Variants in HM13 observed in about 807,000 individuals in gnomAD.
The protein encoded by HM13 is signal peptide peptidase.
In HM13, 18 loss-of-function variants were observed where a neutral mutation model predicts 50.0. That is an observed-to-expected ratio of 0.36 (90% CI 0.25 to 0.53). The LOEUF (loss-of-function observed/expected upper bound fraction) is 0.53. Ranked by LOEUF, HM13 falls within the 20% of genes least tolerant of loss-of-function variation. The probability of loss-of-function intolerance (pLI) is 0.90; values close to 1 mark genes in which losing one functional copy is unlikely to be tolerated. For missense variants in HM13, 393 were observed against 552.4 expected (o/e 0.71, Z 2.89); for synonymous variants, 197 against 232.6 (o/e 0.85, Z 1.39).
intron 10 of HM13, 117 bp from the exon 11 acceptor site, chr20:31,566,093 T>A (rs1984890812): frequency 1.5e-6 from 1 of 682,000 alleles, no homozygotes; most frequent in Admixed American, 2.8e-5. Context: ...TGACTTGCTA[T>A]GGTCCTGGAC....
At chr20:31,554,252 C>T (rs1422265159) in intron 7 of HM13, among the ~76,000 whole-genome samples, 3 of 151,964 alleles carry the variant, frequency 2.0e-5, no homozygotes, top group Non-Finnish European at 2.9e-5. Flanking sequence ...TCTAAAATCC[C>T]AGCTACTCAG....
intron 3 of HM13, chr20:31,539,954 A>G (rs1012649051): frequency 2.0e-5 from 3 of 152,234 alleles, no homozygotes; most frequent in African/African-American, 4.8e-5. Context: ...AGCTCTGAGC[A>G]TAGTTCTTCT....
intron 1 of HM13, among the ~76,000 whole-genome samples, chr20:31,520,185 A>G (rs1350380130): frequency 2.6e-5 from 4 of 152,038 alleles, no homozygotes; most frequent in Non-Finnish European, 5.9e-5. Flanking sequence ...AGATTTTACC[A>G]TATGATCCAC....
At chr20:31,515,359 TCC>T (rs1255119492) in intron 1 of HM13, among the ~76,000 whole-genome samples, 1 of 152,206 alleles carries the variant, frequency 6.6e-6, no homozygotes, top group Non-Finnish European at 1.5e-5. Flanking sequence ...TCTGGAACCA[TCC>T]CAGTCAGCTG....
chr20:31,569,040 T>TG, intron 12 of HM13, 80 bp from the exon 13 acceptor site: 4 of 965,372 alleles, frequency 4.1e-6, no homozygotes. Flanking sequence ...AGGATGGGGG[T>TG]GGGGGAAGGG....
At chr20:31,531,712 G>C (rs897486963) in intron 2 of HM13, among the ~76,000 whole-genome samples, 1 of 152,110 alleles carries the variant, frequency 6.6e-6, no homozygotes, top group Admixed American at 6.5e-5. Context: ...TCCTGCCTCA[G>C]CCTCCTGAGA....
chr20:31,559,642 C>T lies in HM13; in HGVS notation c.840C>T (p.Asp280=). The stretch of plus-strand genomic sequence containing the variant: ...TCATTGCCTTGCTGCTGCGCTTTGA[C>T]ATCAGGTGAGTGAGTGAGGGCCTGC... The part of the protein sequence containing the change: ...GIFIALLLRF[D]ISLKKNTHTY... The change falls in exon 9 of 13, where the codon GAC becomes GAT. Residue 280 remains aspartate (D), a synonymous_variant. Transcript: ENST00000398174. The T allele has an allele frequency of 6.2e-7, 1 of 1,614,168 alleles. No individual in the cohort carries two copies. Among genetic ancestry groups the T allele is most frequent in the Non-Finnish European group, 8.5e-7 (1 of 1,180,006 alleles).
chr20:31,516,558 C>T (rs900709549), intron 1 of HM13, among the ~76,000 whole-genome samples: 6 of 152,250 alleles, frequency 3.9e-5, no homozygotes, highest in South Asian at 2.1e-4. Context: ...AGGCCTGAGC[C>T]TTGACGTAGA....
At chr20:31,533,648 A>T (rs1269842261) in intron 2 of HM13, among the ~76,000 whole-genome samples, 1 of 151,962 alleles carries the variant, frequency 6.6e-6, no homozygotes, top group African/African-American at 2.4e-5. Context: ...GCCCTCCTCT[A>T]CTCTGACCTA....
intron 8 of HM13, among the ~76,000 whole-genome samples, chr20:31,559,030 T>A (rs1179950053): frequency 6.6e-6 from 1 of 152,220 alleles, no homozygotes; most frequent in Non-Finnish European, 1.5e-5. Flanking sequence ...GTGATTCTTG[T>A]GCCTCAGCCT....
chr20:31,555,741 G>A (rs529991069), intron 8 of HM13, among the ~76,000 whole-genome samples: 8 of 151,886 alleles, frequency 5.3e-5, no homozygotes, highest in Non-Finnish European at 1.0e-4. Flanking sequence ...AGCTGCGTGG[G>A]GAAGATCACT....
chr20:31,520,678 G>A (rs891121466), intron 1 of HM13, among the ~76,000 whole-genome samples: 6 of 152,202 alleles, frequency 3.9e-5, no homozygotes, highest in African/African-American at 1.4e-4. Context: ...CAGGGTGGGT[G>A]ATAGGCAGGA....
At chr20:31,555,740 G>A (rs1195886310) in intron 8 of HM13, among the ~76,000 whole-genome samples, 1 of 151,896 alleles carries the variant, frequency 6.6e-6, no homozygotes, top group Non-Finnish European at 1.5e-5. Context: ...AAGCTGCGTG[G>A]GGAAGATCAC....
chr20:31,551,004 A>G (rs1984009804), intron 7 of HM13, among the ~76,000 whole-genome samples: 1 of 152,206 alleles, frequency 6.6e-6, no homozygotes, highest in African/African-American at 2.4e-5. Flanking sequence ...ATAAATATAT[A>G]TGTGTGTGTA....
intron 2 of HM13, among the ~76,000 whole-genome samples, chr20:31,533,852 G>A (rs1982959961): frequency 6.6e-6 from 1 of 152,118 alleles, no homozygotes. Context: ...CAATTGTGTT[G>A]TAAAAAAGAT....
intron 1 of HM13, among the ~76,000 whole-genome samples, chr20:31,518,698 T>C (rs753660602): frequency 2.6e-5 from 4 of 151,920 alleles, no homozygotes; most frequent in Admixed American, 2.6e-4. Flanking sequence ...TCAGTACATA[T>C]AGACCTAAAG....
chr20:31,559,672 G>T (rs1002563589), intron 9 of HM13, 25 bp downstream of exon 9: 1 of 1,612,964 alleles, frequency 6.2e-7, no homozygotes, highest in Non-Finnish European at 8.5e-7. Flanking sequence ...GCCTGCCCCA[G>T]CATGGGCTTC....
chr20:31,568,069 C>T lies in HM13; in HGVS notation c.1035-9C>T. On this transcript the variant is annotated splice_polypyrimidine_tract_variant and intron_variant, in intron 11 of 12. Transcript: ENST00000398174. ...CTTTTTTTCTGTCTCTTCTCTCTCT[C>T]TCACACAGCTACGAGTCCTCGGCGG... The T allele has an allele frequency of 6.2e-7, 1 of 1,600,206 alleles. No homozygotes were observed.
At chr20:31,536,765 C>T (rs547389527) in intron 2 of HM13, among the ~76,000 whole-genome samples, 1 of 152,320 alleles carries the variant, frequency 6.6e-6, no homozygotes, top group African/African-American at 2.4e-5. Flanking sequence ...TCGTTTATGA[C>T]GCTCCTCCTA....
Sources: allele counts gnomAD v4.1 joint callset (sites outside exome capture counted in the v4.1 genomes callset), GRCh38; gene constraint gnomAD v4.1.1; transcripts MANE v1.5; gene names NCBI Gene and HGNC (gene_info 2026-07-23, HGNC 2026-07-21).